The following MALRD1 variants were observed in gnomAD, a reference collection of about 807,000 sequenced individuals.
MALRD1 encodes MAM and LDL-receptor class A domain-containing protein 1.
MALRD1 carries 247 observed loss-of-function variants against 242.1 expected under a neutral mutation model. That is an observed-to-expected ratio of 1.02 (90% confidence interval 0.92 to 1.13). The LOEUF is 1.13. MALRD1 is among the 50% of genes most tolerant of loss of function. The probability of loss-of-function intolerance (pLI) is 0.00; values close to 1 mark genes in which losing one functional copy is unlikely to be tolerated. For missense variants in MALRD1, 2,989 were observed against 2,533.1 expected (o/e 1.18, Z -3.86); for synonymous variants, 995 against 866.6 (o/e 1.15, Z -2.60).
chr10:19,607,706 G>A, intron 34 of MALRD1, 71 bp from the exon 35 acceptor site: 1 of 1,497,710 alleles, frequency 6.7e-7, no homozygotes, highest in African/African-American at 1.4e-5. Flanking sequence ...ATGTTATTTT[G>A]TTGTGAGAAT....
intron 21 of MALRD1, among the ~76,000 whole-genome samples, chr10:19,305,854 T>C (rs1842143036): frequency 7.4e-6 from 1 of 134,594 alleles, no homozygotes; most frequent in African/African-American, 2.8e-5. Context: ...GTATATACTA[T>C]ATACTATACT....
intron 31 of MALRD1, among the ~76,000 whole-genome samples, chr10:19,520,745 C>T (rs10494867): frequency 6.6e-6 from 1 of 151,692 alleles, no homozygotes; most frequent in Non-Finnish European, 1.5e-5. Flanking sequence ...AGTGATGTTT[C>T]GACAACAAAA....
chr10:19,573,711 G>A (rs12768085), intron 33 of MALRD1, among the ~76,000 whole-genome samples: 1,739 of 152,134 alleles, frequency 0.011, 22 homozygotes, highest in Middle Eastern at 0.034. Flanking sequence ...ACCACTTCAC[G>A]CAAATGAGGA....
At chr10:19,496,073 A>G (rs1226962949) in intron 30 of MALRD1, among the ~76,000 whole-genome samples, 1 of 152,224 alleles carries the variant, frequency 6.6e-6, no homozygotes. Flanking sequence ...TCATAAAGCC[A>G]GTTTCTAGAG....
intron 26 of MALRD1, among the ~76,000 whole-genome samples, chr10:19,357,508 C>G (rs1345271700): frequency 6.6e-6 from 1 of 152,038 alleles, no homozygotes; most frequent in East Asian, 1.9e-4. Flanking sequence ...TTTGCTTTGG[C>G]AAAATTATAT....
intron 1 of MALRD1, among the ~76,000 whole-genome samples, chr10:19,066,164 A>G (rs1564369902): frequency 6.6e-6 from 1 of 152,180 alleles, no homozygotes; most frequent in Non-Finnish European, 1.5e-5. Context: ...AAATATTAAT[A>G]CTGTGTAAAT....
chr10:19,450,128 T>G (rs998611087), intron 28 of MALRD1, among the ~76,000 whole-genome samples, 179 bp from the exon 29 acceptor site: 2 of 152,118 alleles, frequency 1.3e-5, no homozygotes, highest in African/African-American at 4.8e-5. Context: ...TCTTTTTGAG[T>G]TGGGTTTGAC....
chr10:19,545,816 C>T (rs560854452), intron 32 of MALRD1, among the ~76,000 whole-genome samples: 1 of 152,162 alleles, frequency 6.6e-6, no homozygotes, highest in South Asian at 2.1e-4. Context: ...GCTTTTAGTC[C>T]TCTGGCACTG....
chr10:19,550,283 G>C (rs1245486077), intron 32 of MALRD1, among the ~76,000 whole-genome samples: 5 of 152,030 alleles, frequency 3.3e-5, no homozygotes, highest in Non-Finnish European at 2.9e-5. Flanking sequence ...TTATAATTCA[G>C]TGACATCCAA....
intron 28 of MALRD1, among the ~76,000 whole-genome samples, chr10:19,391,662 C>T (rs1297164624): frequency 6.6e-6 from 1 of 152,198 alleles, no homozygotes; most frequent in Non-Finnish European, 1.5e-5. Context: ...GAAGACTCGA[C>T]CTTTTGCAGA....
At chr10:19,295,378 A>G (rs1297259622) in intron 21 of MALRD1, among the ~76,000 whole-genome samples, 4 of 151,996 alleles carry the variant, frequency 2.6e-5, no homozygotes, top group Non-Finnish European at 4.4e-5. Context: ...ACAAGTTAAA[A>G]TAGTATCCAA....
chr10:19,274,932 A>G (rs1840436574), intron 19 of MALRD1, among the ~76,000 whole-genome samples: 1 of 152,270 alleles, frequency 6.6e-6, no homozygotes, highest in African/African-American at 2.4e-5. Flanking sequence ...CCTTAATACT[A>G]TTTACCACAA....
chr10:19,499,383 T>C lies in MALRD1; in HGVS notation c.5320+737T>C, dbSNP rs192337961. ...GAGATCAACATTTAAATTGATGAACTTTGAGTAAAGTGGATTGCCCTTCAT... is the reference window on the plus strand; with the variant it reads ...GAGATCAACATTTAAATTGATGAACCTTGAGTAAAGTGGATTGCCCTTCAT... On this transcript the variant is annotated intron_variant, in intron 31 of 39. Coordinates refer to ENST00000454679, the MANE Select transcript of MALRD1 (RefSeq NM_001142308.3). Among the ~76,000 whole-genome samples, 75 of 152,064 alleles carry C rather than the reference T, an allele frequency of 4.9e-4. 2 individuals are homozygous for C. Among genetic ancestry groups the C allele is most frequent in the Admixed American group, 4.3e-3 (65 of 15,266 alleles).
At chr10:19,399,641 A>G (rs560635315) in intron 28 of MALRD1, among the ~76,000 whole-genome samples, 92 of 152,322 alleles carry the variant, frequency 6.0e-4, no homozygotes, top group Non-Finnish European at 1.2e-3. Context: ...AAAATAAGCA[A>G]TTAAAATGGC....
intron 4 of MALRD1, among the ~76,000 whole-genome samples, chr10:19,097,404 T>C (rs1374273428): frequency 2.6e-5 from 4 of 152,354 alleles, no homozygotes; most frequent in African/African-American, 7.2e-5. Context: ...AAATATTCTT[T>C]TGTCTGCTGT....
At chr10:19,445,600 G>T (rs1225697084) in intron 28 of MALRD1, among the ~76,000 whole-genome samples, 1 of 152,232 alleles carries the variant, frequency 6.6e-6, no homozygotes, top group African/African-American at 2.4e-5. Flanking sequence ...GGTATCACCA[G>T]TGGAGGCTGC....
At chr10:19,677,300 C>T (rs944103800) in intron 36 of MALRD1, among the ~76,000 whole-genome samples, 4 of 151,982 alleles carry the variant, frequency 2.6e-5, no homozygotes, top group African/African-American at 7.2e-5. Context: ...AAAGCATTCC[C>T]GTTTCTCCAG....
At chr10:19,682,594 A>T (rs1842417987) in intron 36 of MALRD1, among the ~76,000 whole-genome samples, 1 of 152,184 alleles carries the variant, frequency 6.6e-6, no homozygotes, top group Non-Finnish European at 1.5e-5. Flanking sequence ...AGCTAATTAG[A>T]TGTGGAAGAA....
intron 21 of MALRD1, among the ~76,000 whole-genome samples, chr10:19,297,158 T>C (rs1047383357): frequency 6.6e-6 from 1 of 151,066 alleles, no homozygotes; most frequent in Admixed American, 6.6e-5. Context: ...ATTTCATGTG[T>C]TTTTGAGAAT....
Sources: allele counts gnomAD v4.1 joint callset (sites outside exome capture counted in the v4.1 genomes callset), GRCh38; gene constraint gnomAD v4.1.1; transcripts MANE v1.5; gene names NCBI Gene and HGNC (gene_info 2026-07-23, HGNC 2026-07-21).